The following EML1 variants were observed in gnomAD, a reference collection of about 807,000 sequenced individuals.
The protein encoded by EML1 is EMAP like 1, also known as echinoderm microtubule-associated protein-like 1.
EML1 carries 27 observed loss-of-function variants against 110.4 expected under a neutral mutation model. That is an observed-to-expected ratio of 0.24 (90% CI 0.18 to 0.34). EML1 has a LOEUF of 0.34. Ranked by LOEUF, EML1 falls within the 10% of genes least tolerant of loss-of-function variation. The probability of loss-of-function intolerance (pLI) is 1.00; values close to 1 mark genes in which losing one functional copy is unlikely to be tolerated. For missense variants in EML1, 741 were observed against 1,030.9 expected (o/e 0.72, Z 3.85); for synonymous variants, 344 against 385.8 (o/e 0.89, Z 1.27).
In EML1 at chr14:99,739,076, G is replaced by GTGTGTA. The variant is rs1464472606; in HGVS notation, c.28+1221_28+1222insATGTGT. On this transcript the variant is annotated intron_variant, in intron 1 of 10. Coordinates refer to the EML1 transcript ENST00000554479. ...AGTGAGAGTGTGAGAGTGTGTGTGT[G>GTGTGTA]TGTGTGTGTGTGTGTGAGAGAGAGA... Among the ~76,000 whole-genome samples, 953 of 125,152 alleles carry GTGTGTA rather than the reference G, an allele frequency of 7.6e-3. 7 individuals are homozygous for GTGTGTA. The highest frequency in any genetic ancestry group is 0.033 in the African/African-American group (909 of 27,664). The allele number at this position is 125,152 out of a possible 152,430, so 82.1% of individuals were successfully genotyped here. A position where few individuals can be genotyped will look rare whatever the true frequency, so the allele number is the denominator to read the frequency against.
chr14:99,856,399 A>G (rs1458924958), intron 2 of EML1, among the ~76,000 whole-genome samples: 5 of 152,234 alleles, frequency 3.3e-5, no homozygotes, highest in Non-Finnish European at 7.3e-5. Context: ...GTGAAATACT[A>G]TGTTACGGTC....
chr14:99,906,456 C>G (rs1044970563), intron 9 of EML1, among the ~76,000 whole-genome samples: 4 of 152,138 alleles, frequency 2.6e-5, no homozygotes, highest in Non-Finnish European at 5.9e-5. Flanking sequence ...AACTTCCTGA[C>G]GTTGCCATGA....
intron 1 of EML1, among the ~76,000 whole-genome samples, chr14:99,779,535 C>A (rs2057517494): frequency 6.6e-6 from 1 of 152,174 alleles, no homozygotes; most frequent in African/African-American, 2.4e-5. Context: ...GGGGGACATT[C>A]AAACAGTACC....
chr14:99,891,360 G>C (rs1376192451), intron 5 of EML1, 133 bp downstream of exon 5: 11 of 1,123,612 alleles, frequency 9.8e-6, no homozygotes, highest in Non-Finnish European at 1.3e-5. Flanking sequence ...GGCCCAGATG[G>C]AGCTTTGTAC....
chr14:99,765,734 A>G (rs2057361829), intron 1 of EML1, among the ~76,000 whole-genome samples: 1 of 151,720 alleles, frequency 6.6e-6, no homozygotes, highest in Non-Finnish European at 1.5e-5. Context: ...CCTCTCGAGT[A>G]GCTGGGATTA....
At position 99,740,726 on chromosome 14, in the gene EML1, G is replaced by A. The variant is rs74547958; in HGVS notation, c.28+2866G>A. Among the ~76,000 whole-genome samples, 1,229 of 152,298 alleles carry A rather than the reference G, an allele frequency of 8.1e-3. 23 individuals are homozygous for A. Among genetic ancestry groups the A allele is most frequent in the African/African-American group, 0.027 (1,107 of 41,568 alleles). The stretch of plus-strand genomic sequence containing the variant: ...CTCTGTCTCTTCGGGGCAGAGTCAC[G>A]TCACCTTTCTAAGCCTCAGTTTCTT... On this transcript the variant is annotated intron_variant, in intron 1 of 10. Transcript: ENST00000554479.
intron 1 of EML1, among the ~76,000 whole-genome samples, chr14:99,820,788 T>C (rs2058248246): frequency 6.6e-6 from 1 of 152,004 alleles, no homozygotes; most frequent in Non-Finnish European, 1.5e-5. Context: ...TAAACTGAAC[T>C]GAAGTGCCTC....
chr14:99,789,785 A>G (rs1021520565), upstream of EML1, among the ~76,000 whole-genome samples: 3 of 152,212 alleles, frequency 2.0e-5, no homozygotes, highest in Non-Finnish European at 2.9e-5. Context: ...GCTGCTATTA[A>G]TTCCACTGAA....
chr14:99,757,396 G>A (rs2057269150), intron 1 of EML1, among the ~76,000 whole-genome samples: 1 of 151,924 alleles, frequency 6.6e-6, no homozygotes, highest in Non-Finnish European at 1.5e-5. Context: ...AGAGCCCCCA[G>A]TGACAGCACA....
intron 1 of EML1, among the ~76,000 whole-genome samples, chr14:99,794,467 A>C (rs527866533): frequency 6.6e-6 from 1 of 152,220 alleles, no homozygotes; most frequent in East Asian, 1.9e-4. Context: ...TGAATTCTAG[A>C]CCCTTTGACA....
chr14:99,821,752 A>G (rs1237040012), intron 1 of EML1, among the ~76,000 whole-genome samples: 4 of 152,230 alleles, frequency 2.6e-5, no homozygotes, highest in African/African-American at 7.2e-5. Flanking sequence ...TGTCTGTGCC[A>G]TGTGACAACA....
At chr14:99,785,042 T>C (rs1196978158) in intron 1 of EML1, among the ~76,000 whole-genome samples, 1 of 149,362 alleles carries the variant, frequency 6.7e-6, no homozygotes, top group Non-Finnish European at 1.5e-5. Flanking sequence ...TGTAGGCTTC[T>C]TTTTTTTTTC....
intron 2 of EML1, among the ~76,000 whole-genome samples, chr14:99,854,734 A>G (rs916009685): frequency 1.3e-5 from 2 of 152,218 alleles, no homozygotes; most frequent in Non-Finnish European, 2.9e-5. Flanking sequence ...ACTCTTGGAT[A>G]GAATGACTTG....
intron 1 of EML1, among the ~76,000 whole-genome samples, chr14:99,831,090 AT>A (rs2058442448): frequency 6.6e-6 from 1 of 152,138 alleles, no homozygotes; most frequent in Admixed American, 6.5e-5. Context: ...ACTCAAATGT[AT>A]TTTCAAGTGT....
intron 1 of EML1, among the ~76,000 whole-genome samples, chr14:99,798,226 C>T (rs1046075746): frequency 1.4e-4 from 21 of 152,204 alleles, no homozygotes; most frequent in Admixed American, 2.6e-4. Context: ...GCTCTTAAGA[C>T]GTAATTTTAG....
At chr14:99,877,672 C>G (rs1410163620) in intron 3 of EML1, among the ~76,000 whole-genome samples, 2 of 152,214 alleles carry the variant, frequency 1.3e-5, no homozygotes, top group African/African-American at 4.8e-5. Context: ...TGGAACGTTT[C>G]TGTCGTTACT....
intron 3 of EML1, among the ~76,000 whole-genome samples, chr14:99,871,033 T>G (rs1292011556): frequency 1.3e-5 from 2 of 152,148 alleles, no homozygotes; most frequent in Admixed American, 6.5e-5. Flanking sequence ...TTTGGCTCAC[T>G]GCAACCTCCG....
chr14:99,801,354 G>A (rs1225690872), intron 1 of EML1, among the ~76,000 whole-genome samples: 1 of 152,204 alleles, frequency 6.6e-6, no homozygotes, highest in African/African-American at 2.4e-5. Flanking sequence ...GGTGGCTCAT[G>A]CCTGTAATCC....
At chr14:99,806,573 C>T (rs2057980346) in intron 1 of EML1, among the ~76,000 whole-genome samples, 1 of 152,076 alleles carries the variant, frequency 6.6e-6, no homozygotes, top group Non-Finnish European at 1.5e-5. Context: ...ACCTTGGCCT[C>T]CCAAAATGCT....
Sources: gnomAD v4.1 joint callset for allele counts (sites outside exome capture counted in the v4.1 genomes callset) on GRCh38, gnomAD v4.1.1 for gene constraint, MANE v1.5 for transcripts, NCBI Gene and HGNC (gene_info 2026-07-23, HGNC 2026-07-21) for gene names.